Variants in TTLL10 observed in about 807,000 individuals in gnomAD.
TTLL10 encodes the protein inactive polyglycylase TTLL10.
In TTLL10, 61 loss-of-function variants were observed where a neutral mutation model predicts 69.0. That is an observed-to-expected ratio of 0.88 (90% CI 0.72 to 1.09). TTLL10 has a LOEUF of 1.09. Ranked by LOEUF, TTLL10 falls within the 50% of genes least tolerant of loss-of-function variation. The pLI is 0.00. For missense variants in TTLL10, 962 were observed against 945.9 expected (o/e 1.02, Z -0.22); for synonymous variants, 408 against 393.3 (o/e 1.04, Z -0.44).
chr1:1,180,175 C>A lies in TTLL10; in HGVS notation c.341C>A (p.Pro114His), dbSNP rs199586129. Residue 114 changes from proline to histidine, a missense_variant, in exon 6 of 16, where the codon CCT (proline) becomes CAT (histidine). Pro to His is a moderately conservative substitution (Grantham distance 77). Transcript: ENST00000379289. ...AGAGCCTCTGCCACACCCGGACCCCCTGGGCTCCTGAACAGCCACCGGCCT... is the reference window on the plus strand; with the variant it reads ...AGAGCCTCTGCCACACCCGGACCCCATGGGCTCCTGAACAGCCACCGGCCT... ...AERASATPGPPGLLNSHRPAD... is the reference protein window; with the variant it reads ...AERASATPGPHGLLNSHRPAD... 1.7e-4 allele frequency: 270 copies of A among 1,611,308 alleles called. No individual in the cohort carries two copies. In the East Asian group the frequency reaches 5.6e-3, roughly 33 times the overall value.
intron 13 of TTLL10, among the ~76,000 whole-genome samples, chr1:1,188,523 G>C (rs982398766): frequency 3.3e-5 from 5 of 151,532 alleles, no homozygotes; most frequent in African/African-American, 1.2e-4. Context: ...TCCTGCCTCA[G>C]CCTCCCTAGT....
intron 13 of TTLL10, among the ~76,000 whole-genome samples, chr1:1,194,931 T>C (rs59574701): frequency 0.11 from 16,364 of 152,182 alleles, 1,268 homozygotes; most frequent in African/African-American, 0.23. Flanking sequence ...CATATGTTGG[T>C]CCATTTGACA....
chr1:1,174,578 A>G (rs11260541), intron 3 of TTLL10, 89 bp downstream of exon 3: 19,502 of 152,174 alleles, frequency 0.13, 1,518 homozygotes, highest in African/African-American at 0.22. Context: ...GGGGCGTCAC[A>G]ACCGTCCTCC....
At chr1:1,177,220 GTGTC>G (rs1646905301) in intron 3 of TTLL10, among the ~76,000 whole-genome samples, 2 of 151,968 alleles carry the variant, frequency 1.3e-5, no homozygotes, top group Non-Finnish European at 2.9e-5. Flanking sequence ...GTGTGTAGGT[GTGTC>G]TGTGCATCTG....
Position 1,180,727 on chromosome 1 carries a change from C to G in TTLL10, c.626-4C>G. 1 of 1,603,768 alleles carries G rather than the reference C, an allele frequency of 6.2e-7. No homozygotes were observed. The highest frequency in any genetic ancestry group is 1.1e-5 in the South Asian group (1 of 88,766). On this transcript the variant is annotated splice_polypyrimidine_tract_variant and splice_region_variant and intron_variant, in intron 7 of 15. Coordinates refer to ENST00000379289, the MANE Select transcript of TTLL10 (RefSeq NM_001130045.2). The stretch of plus-strand genomic sequence containing the variant: ...CCACACGAGCCCTGGCCTCTGACCT[C>G]CAGGAGAGCAGCTGCTGTACCAGCT...
intron 14 of TTLL10, 29 bp downstream of exon 14, chr1:1,196,745 T>C (rs551325344): frequency 6.9e-7 from 1 of 1,453,774 alleles, no homozygotes; most frequent in Non-Finnish European, 9.5e-7. Context: ...GGGGGCACAG[T>C]AGACAGATGC....
intron 13 of TTLL10, among the ~76,000 whole-genome samples, chr1:1,194,391 A>T (rs1419991817): frequency 6.6e-6 from 1 of 152,198 alleles, no homozygotes; most frequent in Admixed American, 6.5e-5. Flanking sequence ...ATCACATACA[A>T]AAAAATACAT....
In TTLL10 at chr1:1,180,830, C is replaced by T; in HGVS notation, c.725C>T (p.Ala242Val). ...GGACGGGCACGGGCCATGAGCAAGGCCAGCAAGGTGCCGGGGGGGGTCCAG... is the reference window on the plus strand; with the variant it reads ...GGACGGGCACGGGCCATGAGCAAGGTCAGCAAGGTGCCGGGGGGGGTCCAG... ...LRGRARAMSK[A>V]SKVPGGVQAR... Residue 242 changes from alanine to valine, a missense_variant, in exon 8 of 16, where the codon GCC becomes GTC. Ala to Val is a moderately conservative substitution (Grantham distance 64). Transcript: ENST00000379289. The T allele has an allele frequency of 6.3e-7, 1 of 1,593,302 alleles. No individual in the cohort carries two copies.
intron 13 of TTLL10, among the ~76,000 whole-genome samples, chr1:1,190,171 C>CA (rs1318718849): frequency 6.7e-6 from 1 of 148,716 alleles, no homozygotes; most frequent in Non-Finnish European, 1.5e-5. Context: ...GTTTAGTGTA[C>CA]AAAGTATTCC....
At chr1:1,179,968 G>C in intron 5 of TTLL10, 66 bp from the exon 6 acceptor site, 2 of 1,453,472 alleles carry the variant, frequency 1.4e-6, no homozygotes, top group Non-Finnish European at 1.8e-6. Context: ...CAAACTGGCT[G>C]AGCCATGTCC....
chr1:1,184,708 T>C (rs577792543), intron 12 of TTLL10, among the ~76,000 whole-genome samples: 39 of 149,994 alleles, frequency 2.6e-4, no homozygotes, highest in African/African-American at 9.6e-4. Context: ...GGACAGGCCC[T>C]CCGGACAGTC....
intron 13 of TTLL10, among the ~76,000 whole-genome samples, chr1:1,196,051 C>T (rs1285390838): frequency 3.3e-5 from 5 of 152,246 alleles, no homozygotes; most frequent in Admixed American, 2.6e-4. Flanking sequence ...GCTGGGACTA[C>T]AGGTGTGAGC....
In TTLL10 at chr1:1,182,777, C is replaced by T. The variant is rs556698095; in HGVS notation, c.917-99C>T. Reference sequence around the variant, plus strand: ...AGGGCCAAGGTTGGAATGGCCGGGCCGAGGGTCGCAGCCTGGAGGGGAGGG... The same window carrying T: ...AGGGCCAAGGTTGGAATGGCCGGGCTGAGGGTCGCAGCCTGGAGGGGAGGG... On this transcript the variant is annotated intron_variant, in intron 10 of 15. Transcript: ENST00000379289. 466 of 1,440,188 alleles carry T rather than the reference C, an allele frequency of 3.2e-4. 1 individual carries two copies. In the African/African-American group the frequency reaches 5.4e-3, roughly 17 times the overall value. The allele number at this position is 1,440,188 out of a possible 1,614,324, so 89.2% of individuals were successfully genotyped here.
Position 1,185,715 on chromosome 1 carries a change from C to T in TTLL10, c.1401+606C>T. ...CACCCCGGCCAGGCCCCGGAAGCAG[C>T]AGCCAGGGATGGTCCTTCCTCACCC... On this transcript the variant is annotated intron_variant, in intron 13 of 15. Coordinates refer to ENST00000379289, the MANE Select transcript of TTLL10 (RefSeq NM_001130045.2). The surrounding 1 kb of genome is among the most constrained non-coding windows in gnomAD (Gnocchi z 6.1). 1.0e-6 allele frequency: 1 copy of T among 985,562 alleles called. No homozygotes were observed. Among genetic ancestry groups the T allele is most frequent in the South Asian group, 4.7e-5 (1 of 21,304 alleles). 61.1% of individuals were successfully genotyped at this position (985,562 alleles called of 1,614,324 possible). A position where few individuals can be genotyped will look rare whatever the true frequency, so the allele number is the denominator to read the frequency against.
chr1:1,185,611 C>A lies in TTLL10; in HGVS notation c.1401+502C>A. 1 of 987,982 alleles carries A rather than the reference C, an allele frequency of 1.0e-6. No homozygotes were observed. The highest frequency in any genetic ancestry group is 1.2e-6 in the Non-Finnish European group (1 of 831,766). 61.2% of individuals were successfully genotyped at this position (987,982 alleles called of 1,614,324 possible). On this transcript the variant is annotated intron_variant, in intron 13 of 15. Transcript: ENST00000379289. The surrounding 1 kb of genome is among the most constrained non-coding windows in gnomAD (Gnocchi z 6.1). Reference sequence around the variant, plus strand: ...TGTGGGGTACTTCAAACAGCCCTAGCAGCAAAGGCCCTTGAGCAGCGCGGT... The same window carrying A: ...TGTGGGGTACTTCAAACAGCCCTAGAAGCAAAGGCCCTTGAGCAGCGCGGT...
chr1:1,188,700 C>T (rs890058782), intron 13 of TTLL10, among the ~76,000 whole-genome samples: 28 of 152,104 alleles, frequency 1.8e-4, no homozygotes, highest in African/African-American at 6.8e-4. Flanking sequence ...CCACCACACC[C>T]AGCCTCATCG....
In TTLL10 at chr1:1,196,304, T is replaced by G. The variant is rs1235849236; in HGVS notation, c.1402-296T>G. The G allele has an allele frequency of 2.1e-5, 8 of 374,512 alleles. No homozygotes were observed. In the Admixed American group the frequency reaches 3.2e-4, roughly 15 times the overall value. The allele number at this position is 374,512 out of a possible 1,614,324, so 23.2% of individuals were successfully genotyped here. A position where few individuals can be genotyped will look rare whatever the true frequency, so the allele number is the denominator to read the frequency against. Reference sequence around the variant, plus strand: ...CACAGTTCTTACCAAGATTCGAGATTTTACGTATCCCATTTGCTATCCGTC... The same window carrying G: ...CACAGTTCTTACCAAGATTCGAGATGTTACGTATCCCATTTGCTATCCGTC... On this transcript the variant is annotated intron_variant, in intron 13 of 15. Coordinates refer to ENST00000379289, the MANE Select transcript of TTLL10 (RefSeq NM_001130045.2).
intron 10 of TTLL10, 127 bp from the exon 11 acceptor site, chr1:1,182,749 C>T (rs1039285648): frequency 1.9e-5 from 25 of 1,330,792 alleles, no homozygotes; most frequent in Admixed American, 5.2e-5. Context: ...GTGTGGTTAG[C>T]GCAGGGCCAA....
In TTLL10 at chr1:1,180,080, C is replaced by T; in HGVS notation, c.246C>T (p.Leu82=). 1 of 1,604,022 alleles carries T rather than the reference C, an allele frequency of 6.2e-7. No individual in the cohort carries two copies. The highest frequency in any genetic ancestry group is 1.1e-5 in the South Asian group (1 of 89,824). ...TGGGGAGCAGCCAGGAGGAGGGACTCCGGTGTCAGCCAAGCCAGCCAGACC... is the reference window on the plus strand; with the variant it reads ...TGGGGAGCAGCCAGGAGGAGGGACTTCGGTGTCAGCCAAGCCAGCCAGACC... ...RPMGSSQEEG[L]RCQPSQPDHD... is the part of the protein sequence containing the mutation. The change falls in exon 6 of 16, where the codon CTC becomes CTT. Residue 82 remains leucine (L), a synonymous_variant. Coordinates refer to ENST00000379289, the MANE Select transcript of TTLL10 (RefSeq NM_001130045.2).
Sources: allele counts gnomAD v4.1 joint callset (sites outside exome capture counted in the v4.1 genomes callset), GRCh38; gene constraint gnomAD v4.1.1; non-coding constraint Gnocchi (gnomAD v3.1); transcripts MANE v1.5; gene names NCBI Gene and HGNC (gene_info 2026-07-23, HGNC 2026-07-21).